STOX2: variants seen among roughly 807,000 people sequenced by gnomAD.
The protein encoded by STOX2 is storkhead box 2, also known as storkhead-box protein 2.
Under a neutral mutation model 60.9 loss-of-function variants are expected in STOX2, and 28 were observed. The ratio of observed to expected loss-of-function variants is 0.46; its 90% CI spans 0.34 to 0.63. The LOEUF (loss-of-function observed/expected upper bound fraction) is 0.63, where lower values mean the gene tolerates loss of function less well. Among genes scored for constraint, STOX2 ranks in the 30% least tolerant of loss-of-function variants. STOX2 has a pLI of 0.01. For synonymous variants in STOX2, 472 were observed against 463.9 expected (o/e 1.02, Z -0.22); for missense variants, 1,024 against 1,187.7 (o/e 0.86, Z 2.03).
intron 1 of STOX2, among the ~76,000 whole-genome samples, chr4:183,961,783 A>G (rs994472576): frequency 2.0e-5 from 3 of 152,246 alleles, no homozygotes; most frequent in Admixed American, 2.0e-4. Flanking sequence ...CCAAAGATAC[A>G]TAAATGTGAT....
At chr4:183,918,650 G>A (rs1742001094) in intron 1 of STOX2, among the ~76,000 whole-genome samples, 2 of 152,238 alleles carry the variant, frequency 1.3e-5, no homozygotes, top group South Asian at 4.1e-4. Context: ...CCAAGTGCAT[G>A]TTCCTCCTTC....
chr4:183,833,721 G>T (rs1475593757), intron 1 of STOX2, among the ~76,000 whole-genome samples: 2 of 147,642 alleles, frequency 1.4e-5, no homozygotes, highest in South Asian at 4.2e-4. Flanking sequence ...GGTGGCTCAC[G>T]CCTGTAATCC....
At chr4:183,949,344 G>A (rs773020569) in intron 1 of STOX2, among the ~76,000 whole-genome samples, 1 of 151,730 alleles carries the variant, frequency 6.6e-6, no homozygotes, top group Admixed American at 6.6e-5. Flanking sequence ...TTCTCTTTTT[G>A]TCTTTGATTT....
intron 1 of STOX2, among the ~76,000 whole-genome samples, chr4:183,992,164 G>A (rs1322695148): frequency 6.6e-6 from 1 of 152,150 alleles, no homozygotes; most frequent in African/African-American, 2.4e-5. Context: ...GTTTTAGGGG[G>A]GTTGGTTGGT....
intron 1 of STOX2, among the ~76,000 whole-genome samples, chr4:183,996,739 C>T (rs114117885): frequency 0.016 from 2,361 of 152,152 alleles, 56 homozygotes; most frequent in African/African-American, 0.052. Flanking sequence ...AAAAAATTTA[C>T]TCATTTTTAT....
intron 1 of STOX2, among the ~76,000 whole-genome samples, chr4:183,956,458 CT>C (rs1560903991): frequency 6.6e-6 from 1 of 151,250 alleles, no homozygotes; most frequent in Non-Finnish European, 1.5e-5. Context: ...ATCTATCTAT[CT>C]ATCTATCTAT....
At chr4:183,948,245 C>G (rs1479844592) in intron 1 of STOX2, among the ~76,000 whole-genome samples, 3 of 48,620 alleles carry the variant, frequency 6.2e-5, no homozygotes, top group Non-Finnish European at 9.6e-5. Flanking sequence ...AAAAAAAAAA[C>G]ACGAAAAAGA....
intron 2 of STOX2, among the ~76,000 whole-genome samples, chr4:184,004,645 C>A (rs926655492): frequency 6.6e-6 from 1 of 152,118 alleles, no homozygotes; most frequent in Non-Finnish European, 1.5e-5. Context: ...AAACTTAAAC[C>A]TTTTTATCAC....
At chr4:183,873,222 C>T (rs1023629103) in intron 1 of STOX2, among the ~76,000 whole-genome samples, 51 of 151,996 alleles carry the variant, frequency 3.4e-4, no homozygotes, top group African/African-American at 1.1e-3. Flanking sequence ...CCGAGGTGGG[C>T]GGATCACCTG....
In STOX2 at chr4:183,906,471, C is replaced by G; in HGVS notation, c.-320C>G. 6.4e-6 allele frequency: 1 copy of G among 156,692 alleles called. No homozygotes were observed. Among genetic ancestry groups the G allele is most frequent in the East Asian group, 1.8e-4 (1 of 5,408 alleles). The allele number at this position is 156,692 out of a possible 1,614,324, so 9.7% of individuals were successfully genotyped here. A position where few individuals can be genotyped will look rare whatever the true frequency, so the allele number is the denominator to read the frequency against. On this transcript the variant is annotated 5_prime_UTR_variant, in exon 1 of 4. Transcript: ENST00000308497. ...TCTCGGCGCCCCCACCCCGCCCGCCCCCTCCCCGCCTCCTCCCGGCCGGGG... is the reference window on the plus strand; with the variant it reads ...TCTCGGCGCCCCCACCCCGCCCGCCGCCTCCCCGCCTCCTCCCGGCCGGGG...
chr4:183,902,100 C>T (rs1741475738), upstream of STOX2, among the ~76,000 whole-genome samples: 1 of 152,142 alleles, frequency 6.6e-6, no homozygotes, highest in African/African-American at 2.4e-5. Flanking sequence ...AAATATGTGC[C>T]AACCATTGCT....
At chr4:183,920,247 C>T (rs760124631) in intron 1 of STOX2, among the ~76,000 whole-genome samples, 3 of 152,086 alleles carry the variant, frequency 2.0e-5, no homozygotes, top group Non-Finnish European at 4.4e-5. Context: ...TCCTGAGTAG[C>T]TGGGATGGCC....
At chr4:183,818,702 G>T (rs979601088) in intron 1 of STOX2, among the ~76,000 whole-genome samples, 1 of 151,526 alleles carries the variant, frequency 6.6e-6, no homozygotes, top group Admixed American at 6.6e-5. Flanking sequence ...CCTCCCGGAC[G>T]GGGTAGCCGG....
chr4:183,883,625 T>C (rs928632377), intron 1 of STOX2, among the ~76,000 whole-genome samples: 2 of 152,118 alleles, frequency 1.3e-5, no homozygotes, highest in Non-Finnish European at 1.5e-5. Context: ...CGACCTGTTA[T>C]AAATATTATA....
chr4:183,826,627 A>T (rs1020180199), intron 1 of STOX2, among the ~76,000 whole-genome samples: 1 of 152,258 alleles, frequency 6.6e-6, no homozygotes, highest in Non-Finnish European at 1.5e-5. Context: ...CCTGCTAGCA[A>T]TGTGGCCCTG....
intron 2 of STOX2, among the ~76,000 whole-genome samples, chr4:184,008,266 C>T (rs1733962783): frequency 6.6e-6 from 1 of 152,222 alleles, no homozygotes; most frequent in Admixed American, 6.5e-5. Context: ...CTTAAACTCT[C>T]TTAAGAATTT....
At chr4:183,869,702 G>T (rs1357425811) in intron 1 of STOX2, among the ~76,000 whole-genome samples, 1 of 152,130 alleles carries the variant, frequency 6.6e-6, no homozygotes, top group African/African-American at 2.4e-5. Flanking sequence ...ACAAAAGTTG[G>T]ACTAGAATTA....
intron 1 of STOX2, among the ~76,000 whole-genome samples, chr4:183,953,583 T>TTTTTTTTTTTTTTTTA (rs1743157572): frequency 2.0e-5 from 3 of 151,864 alleles, no homozygotes; most frequent in Admixed American, 6.6e-5. Flanking sequence ...TGATTTTTTT[T>TTTTTTTTTTTTTTTTA]GAGACTGAGT....
intron 1 of STOX2, among the ~76,000 whole-genome samples, chr4:183,958,574 C>T (rs1021107189): frequency 2.3e-4 from 35 of 152,278 alleles, no homozygotes; most frequent in African/African-American, 7.9e-4. Context: ...CTCTCATTCT[C>T]TTCTCCTTTT....
Sources: gnomAD v4.1 joint callset for allele counts (sites outside exome capture counted in the v4.1 genomes callset) on GRCh38, gnomAD v4.1.1 for gene constraint, MANE v1.5 for transcripts, NCBI Gene and HGNC (gene_info 2026-07-23, HGNC 2026-07-21) for gene names.